Variants in TTC27 observed in about 807,000 individuals in gnomAD.
TTC27 encodes tetratricopeptide repeat protein 27.
Under a neutral mutation model 115.9 loss-of-function variants are expected in TTC27, and 79 were observed. The ratio of observed to expected loss-of-function variants is 0.68; its 90% CI spans 0.57 to 0.82. The LOEUF is 0.82. Ranked by LOEUF, TTC27 falls within the 40% of genes least tolerant of loss-of-function variation. TTC27 has a pLI of 0.00. For synonymous variants in TTC27, 401 were observed against 356.0 expected (o/e 1.13, Z -1.42); for missense variants, 1,054 against 993.1 (o/e 1.06, Z -0.82).
intron 4 of TTC27, among the ~76,000 whole-genome samples, chr2:32,646,823 A>G (rs1664881838): frequency 6.6e-6 from 1 of 151,882 alleles, no homozygotes; most frequent in Non-Finnish European, 1.5e-5. Context: ...TCAGCCTCCC[A>G]AAGTGCTGAG....
At chr2:32,777,575 T>C (rs535369552) in intron 13 of TTC27, among the ~76,000 whole-genome samples, 242 of 152,336 alleles carry the variant, frequency 1.6e-3, no homozygotes, top group African/African-American at 4.4e-3. Context: ...ATTTTCACTC[T>C]GCAGCTGATT....
At chr2:32,667,502 C>T (rs1195886211) in intron 7 of TTC27, among the ~76,000 whole-genome samples, 4 of 150,728 alleles carry the variant, frequency 2.7e-5, no homozygotes, top group African/African-American at 7.3e-5. Flanking sequence ...ATGCATCCTC[C>T]GCCTCCTGGG....
intron 3 of TTC27, among the ~76,000 whole-genome samples, chr2:32,639,435 GT>G (rs1317551666): frequency 1.3e-5 from 2 of 151,920 alleles, no homozygotes. Context: ...CTGGTGTGTG[GT>G]CATATGCCCA....
chr2:32,757,049 G>A (rs906797427), intron 12 of TTC27, among the ~76,000 whole-genome samples: 7 of 152,296 alleles, frequency 4.6e-5, no homozygotes, highest in African/African-American at 1.4e-4. Context: ...GGGCTGTCTG[G>A]AATCAGGTAG....
intron 15 of TTC27, among the ~76,000 whole-genome samples, chr2:32,785,557 A>G (rs968384948): frequency 1.4e-4 from 22 of 151,888 alleles, no homozygotes; most frequent in African/African-American, 4.6e-4. Flanking sequence ...CTCCTTGACT[A>G]TGTGCATTCT....
chr2:32,782,971 CAT>C (rs545921104), intron 15 of TTC27, among the ~76,000 whole-genome samples: 7 of 152,154 alleles, frequency 4.6e-5, no homozygotes, highest in East Asian at 1.9e-4. Flanking sequence ...TAAAAGCAAA[CAT>C]ATGTTTAGTT....
At chr2:32,747,803 G>A (rs1212675530) in intron 12 of TTC27, among the ~76,000 whole-genome samples, 1 of 152,096 alleles carries the variant, frequency 6.6e-6, no homozygotes, top group African/African-American at 2.4e-5. Flanking sequence ...TTTCAGCGTA[G>A]GATACCTGGG....
At chr2:32,727,301 C>A (rs1386096693) in intron 10 of TTC27, among the ~76,000 whole-genome samples, 1 of 152,154 alleles carries the variant, frequency 6.6e-6, no homozygotes, top group Non-Finnish European at 1.5e-5. Context: ...AAGATCAGCT[C>A]ATTTTCCAAA....
rs1319588622 is a variant in TTC27, at chr2:32,736,434, T to G, written c.1330-260T>G. Among the ~76,000 whole-genome samples the G allele has an allele frequency of 2.0e-5, 3 of 152,222 alleles. No individual in the cohort carries two copies. In the East Asian group the frequency reaches 5.8e-4, roughly 29 times the overall value. On this transcript the variant is annotated intron_variant, in intron 11 of 19. Transcript: ENST00000317907. ...ATATTTATTTTTGCTTTTTAAGTTC[T>G]TAGAGAAAATTTGTATATATTTAGC...
At chr2:32,799,831 T>A (rs1052210396) in intron 16 of TTC27, among the ~76,000 whole-genome samples, 1 of 152,192 alleles carries the variant, frequency 6.6e-6, no homozygotes, top group Non-Finnish European at 1.5e-5. Flanking sequence ...AATAGGATAT[T>A]TAATATGTAT....
chr2:32,710,427 C>CTTTTTTT (rs10651873), intron 10 of TTC27, among the ~76,000 whole-genome samples: 2 of 129,856 alleles, frequency 1.5e-5, no homozygotes, highest in African/African-American at 2.9e-5. Context: ...AAGTATATAG[C>CTTTTTTT]TTTTTTTTTT....
chr2:32,701,144 A>G (rs1050572541), intron 9 of TTC27, among the ~76,000 whole-genome samples: 1 of 152,214 alleles, frequency 6.6e-6, no homozygotes, highest in South Asian at 2.1e-4. Flanking sequence ...TTTGTTTGCT[A>G]TTCTGTCCTT....
In TTC27 at chr2:32,648,435, C is replaced by G. The variant is rs989072771; in HGVS notation, c.538-1696C>G. ...GTGAACCACTGCACCTGGCACCCCC[C>G]CTTTTTTTTTTTTTTTTTTTTTAAA... On this transcript the variant is annotated intron_variant, in intron 4 of 19. Coordinates refer to ENST00000317907, the MANE Select transcript of TTC27 (RefSeq NM_017735.5). Among the ~76,000 whole-genome samples, 6 of 128,118 alleles carry G rather than the reference C, an allele frequency of 4.7e-5. No homozygotes were observed. In the South Asian group the frequency reaches 1.7e-3, roughly 36 times the overall value. 84.1% of individuals were successfully genotyped at this position (128,118 alleles called of 152,430 possible). A position where few individuals can be genotyped will look rare whatever the true frequency, so the allele number is the denominator to read the frequency against.
intron 16 of TTC27, among the ~76,000 whole-genome samples, chr2:32,797,891 T>C (rs1286799220): frequency 1.3e-5 from 2 of 152,080 alleles, no homozygotes; most frequent in Non-Finnish European, 2.9e-5. Flanking sequence ...CCAGAATATA[T>C]AGAGGACTTC....
At chr2:32,702,775 T>C (rs1468699491) in intron 9 of TTC27, 32 bp from the exon 10 acceptor site, 1 of 1,450,176 alleles carries the variant, frequency 6.9e-7, no homozygotes, top group Non-Finnish European at 9.7e-7. Flanking sequence ...CTTATCTCTT[T>C]TCTATGATTT....
intron 9 of TTC27, among the ~76,000 whole-genome samples, chr2:32,693,550 A>G (rs1666885515): frequency 1.3e-5 from 2 of 152,360 alleles, no homozygotes; most frequent in Admixed American, 6.5e-5. Flanking sequence ...ATACATATAC[A>G]GTTCATGTGA....
chr2:32,770,144 T>A (rs2148006116), intron 13 of TTC27, among the ~76,000 whole-genome samples: 1 of 152,302 alleles, frequency 6.6e-6, no homozygotes, highest in Admixed American at 6.5e-5. Context: ...TTGGTAACTA[T>A]CAGTTTTGGT....
At chr2:32,808,362 G>T (rs1348707939) in intron 16 of TTC27, among the ~76,000 whole-genome samples, 1 of 152,164 alleles carries the variant, frequency 6.6e-6, no homozygotes, top group Non-Finnish European at 1.5e-5. Flanking sequence ...TTCCTCCAAT[G>T]TGGAACTCTT....
At chr2:32,767,453 G>GTTTTTTTTTTTTTTTTTTTTTTTTTTT (rs397754905) in intron 13 of TTC27, among the ~76,000 whole-genome samples, 1 of 114,228 alleles carries the variant, frequency 8.8e-6, no homozygotes, top group Non-Finnish European at 1.7e-5. Flanking sequence ...GTTTTTTTTT[G>GTTTTTTTTTTTTTTTTTTTTTTTTTTT]TTTTTTTTTT....
Sources: allele counts gnomAD v4.1 joint callset (sites outside exome capture counted in the v4.1 genomes callset), GRCh38; gene constraint gnomAD v4.1.1; transcripts MANE v1.5; gene names NCBI Gene and HGNC (gene_info 2026-07-23, HGNC 2026-07-21).